ZBTB40: variants seen among roughly 807,000 people sequenced by gnomAD.
ZBTB40 encodes zinc finger and BTB domain-containing protein 40.
ZBTB40 carries 60 observed loss-of-function variants against 117.5 expected under a neutral mutation model. The ratio of observed to expected loss-of-function variants is 0.51; its 90% CI spans 0.41 to 0.63. The LOEUF (loss-of-function observed/expected upper bound fraction) is 0.63. ZBTB40 is among the 30% of genes least tolerant of loss of function. ZBTB40 has a pLI of 0.00. For missense variants in ZBTB40, 1,287 were observed against 1,498.5 expected (o/e 0.86, Z 2.33); for synonymous variants, 525 against 577.1 (o/e 0.91, Z 1.29).
chr1:22,433,443 A>AAAAAAAAAAAAAAC (rs1640625991), intron 1 of ZBTB40, among the ~76,000 whole-genome samples: 2 of 139,612 alleles, frequency 1.4e-5, no homozygotes, highest in Non-Finnish European at 3.2e-5. Context: ...AAAAAAAAAA[A>AAAAAAAAAAAAAAC]AAAAAAAAAA....
chr1:22,512,923 G>A lies in ZBTB40; in HGVS notation c.2462-1G>A, dbSNP rs1639279752. 6.2e-7 allele frequency: 1 copy of A among 1,614,056 alleles called. No homozygotes were observed. Among genetic ancestry groups the A allele is most frequent in the Admixed American group, 1.7e-5 (1 of 60,000 alleles). On this transcript the variant is annotated splice_acceptor_variant, in intron 11 of 17. Coordinates refer to ENST00000375647, the MANE Select transcript of ZBTB40 (RefSeq NM_014870.4). LOFTEE classifies it high-confidence loss of function. ...GCCTCTGGTGTGCTTGGCTTCCCTA[G>A]GCATGCAGTACCATAAGCTGACAGA... is the stretch of plus-strand genomic sequence containing the variant.
upstream of ZBTB40, among the ~76,000 whole-genome samples, chr1:22,451,410 G>A (rs973133407): frequency 2.6e-5 from 4 of 152,132 alleles, no homozygotes; most frequent in South Asian, 4.1e-4. Flanking sequence ...CGAGGCAGGT[G>A]GATCATCTGG....
At chr1:22,468,384 A>C (rs1354449450) in intron 1 of ZBTB40, among the ~76,000 whole-genome samples, 1 of 149,172 alleles carries the variant, frequency 6.7e-6, no homozygotes, top group African/African-American at 2.5e-5. Flanking sequence ...ACCAGGCTGA[A>C]TTTTTAATCA....
chr1:22,502,577 C>G (rs1397828488), intron 5 of ZBTB40, 136 bp downstream of exon 5: 8 of 1,231,356 alleles, frequency 6.5e-6, no homozygotes, highest in Non-Finnish European at 9.3e-6. Context: ...AGTCAAGGTG[C>G]TTGTTTCATA....
At chr1:22,454,035 C>T (rs958886136) in intron 1 of ZBTB40, among the ~76,000 whole-genome samples, 4 of 152,124 alleles carry the variant, frequency 2.6e-5, no homozygotes, top group African/African-American at 4.8e-5. Context: ...CTGCAACCTC[C>T]GCCTCCCGGG....
At position 22,496,526 on chromosome 1, in the gene ZBTB40, C is replaced by T. The variant is rs568839612; in HGVS notation, c.832-4966C>T. 1.0e-3 allele frequency among the ~76,000 whole-genome samples: 158 copies of T among 152,336 alleles called. 1 individual carries two copies. The highest frequency in any genetic ancestry group is 3.6e-3 in the African/African-American group (150 of 41,572). Reference sequence around the variant, plus strand: ...AGCTGAATTGTGGGGCCCTTTCCAGCGCTGGGCTTCTGGGATTCCTTTGAG... The same window carrying T: ...AGCTGAATTGTGGGGCCCTTTCCAGTGCTGGGCTTCTGGGATTCCTTTGAG... On this transcript the variant is annotated intron_variant, in intron 3 of 17. Transcript: ENST00000375647.
Position 22,508,607 on chromosome 1 carries a change from G to A in ZBTB40, c.1575G>A (p.Gln525=), listed in dbSNP as rs1393093666. ...NSLISAVLEK[Q]TLSATAIWQL... ...TGATATCAGCAGTTCTAGAAAAGCA[G>A]ACTCTCTCTGCCACAGCCATTTGGC... is the stretch of plus-strand genomic sequence containing the variant. The change falls in exon 8 of 18, where the codon CAG becomes CAA. Residue 525 remains glutamine (Q), a synonymous_variant. Transcript: ENST00000375647. The A allele has an allele frequency of 6.2e-7, 1 of 1,614,188 alleles. No homozygotes were observed. The highest frequency in any genetic ancestry group is 8.5e-7 in the Non-Finnish European group (1 of 1,180,038).
upstream of ZBTB40, among the ~76,000 whole-genome samples, chr1:22,448,771 T>A: frequency 6.6e-6 from 1 of 152,042 alleles, no homozygotes; most frequent in Non-Finnish European, 1.5e-5. Flanking sequence ...ATTGCTATTA[T>A]TAGCAGGAGA....
At chr1:22,458,944 C>G (rs1263727137) in intron 1 of ZBTB40, among the ~76,000 whole-genome samples, 1 of 152,108 alleles carries the variant, frequency 6.6e-6, no homozygotes, top group African/African-American at 2.4e-5. Flanking sequence ...TCCTTTTTAC[C>G]AAGAAGTTTT....
chr1:22,481,061 C>G (rs778281390), intron 1 of ZBTB40, among the ~76,000 whole-genome samples: 1 of 152,158 alleles, frequency 6.6e-6, no homozygotes, highest in African/African-American at 2.4e-5. Flanking sequence ...TGTAGGCCAC[C>G]ATGGTCTCAA....
intron 1 of ZBTB40, among the ~76,000 whole-genome samples, chr1:22,481,693 T>C (rs1638320939): frequency 6.6e-6 from 1 of 151,274 alleles, no homozygotes; most frequent in East Asian, 1.9e-4. Context: ...CAGTCACTTG[T>C]TTCTTACTAA....
intron 13 of ZBTB40, among the ~76,000 whole-genome samples, chr1:22,518,532 G>A (rs1384708987): frequency 6.6e-6 from 1 of 152,110 alleles, no homozygotes. Flanking sequence ...CATCTCACAT[G>A]CTCTTCTTCC....
At chr1:22,511,411 GAGAC>G (rs1639228850) in intron 10 of ZBTB40, 64 bp downstream of exon 10, 7 of 1,594,228 alleles carry the variant, frequency 4.4e-6, no homozygotes, top group Non-Finnish European at 6.0e-6. Flanking sequence ...CTTGAAGAAA[GAGAC>G]AGCATTTCAT....
rs773239908 is a variant in ZBTB40, at chr1:22,491,414, C to T, written c.712C>T (p.His238Tyr). 3 of 1,613,754 alleles carry T rather than the reference C, an allele frequency of 1.9e-6. No homozygotes were observed. The South Asian group carries it at 3.3e-5, about 18-fold the overall frequency. Reference protein sequence around the residue: ...TSTEPGCERKHYQLNFLLENE... With the variant: ...TSTEPGCERKYYQLNFLLENE... ...TCTACATTTAGGATGTGAAAGGAAA[C>T]ACTACCAGCTGAATTTTCTTCTAGA... Residue 238 changes from histidine (H) to tyrosine (Y), a missense_variant, in exon 3 of 18, where the codon CAC becomes TAC. Coordinates refer to ENST00000375647, the MANE Select transcript of ZBTB40 (RefSeq NM_014870.4).
chr1:22,508,280 G>A (rs113992449), intron 7 of ZBTB40, 143 bp downstream of exon 7: 5 of 1,100,258 alleles, frequency 4.5e-6, no homozygotes, highest in South Asian at 4.2e-5. Context: ...GAAATAGAAG[G>A]TATCTCAGTT....
In ZBTB40 at chr1:22,490,006, G is replaced by A. The variant is rs766920912; in HGVS notation, c.58G>A (p.Glu20Lys). The change falls in exon 2 of 18, where the codon GAG (glutamate) becomes AAG (lysine). Residue 20 changes from glutamate (E) to lysine (K), a missense_variant. This residue lies in a region of ZBTB40 where 870 missense variants were observed against 934.4 expected (regional missense o/e 0.93). Transcript: ENST00000375647. ...GCAGCAGCTGTACACTCTGTGCAAG[G>A]AGCAGCAGTTCTGTGATTGCACCAT... ...LLQQLYTLCK[E>K]QQFCDCTISI... The A allele has an allele frequency of 1.9e-6, 3 of 1,613,878 alleles. No homozygotes were observed. In the South Asian group the frequency reaches 3.3e-5, roughly 18 times the overall value.
chr1:22,433,624 CGGGGGTGG>C (rs1640630612), intron 1 of ZBTB40, among the ~76,000 whole-genome samples: 1 of 144,168 alleles, frequency 6.9e-6, no homozygotes, highest in African/African-American at 2.5e-5. Context: ...TTTTGATATA[CGGGGGTGG>C]AGGGTTAGTT....
At chr1:22,452,542 TA>T (rs1640905610) in intron 1 of ZBTB40, 1 of 152,230 alleles carries the variant, frequency 6.6e-6, no homozygotes, top group African/African-American at 2.4e-5. Context: ...ATTGTTGATG[TA>T]TTGTCTATGG....
Position 22,431,204 on chromosome 1 carries a change from T to C in ZBTB40, c.-70+2190T>C, listed in dbSNP as rs189631546. Among the ~76,000 whole-genome samples, 1,364 of 149,884 alleles carry C rather than the reference T, an allele frequency of 9.1e-3. 16 individuals are homozygous for C. The highest frequency in any genetic ancestry group is 0.032 in the African/African-American group (1,292 of 40,230). On this transcript the variant is annotated intron_variant, in intron 1 of 8. Coordinates refer to the ZBTB40 transcript ENST00000650433. The stretch of plus-strand genomic sequence containing the variant: ...TGTAAAGTCTATCAGCAGATTAGTG[T>C]ATGTATTTCTAATTTATTAGGAGCA...
Sources: gnomAD v4.1 joint callset for allele counts (sites outside exome capture counted in the v4.1 genomes callset) on GRCh38, gnomAD v4.1.1 for gene constraint, gnomAD v4.1.1 regional missense constraint, MANE v1.5 for transcripts, NCBI Gene and HGNC (gene_info 2026-07-23, HGNC 2026-07-21) for gene names.